The following TAF6 variants were observed in gnomAD, a reference collection of about 807,000 sequenced individuals.
The protein encoded by TAF6 is TATA-box binding protein associated factor 6.
TAF6 carries 50 observed loss-of-function variants against 73.5 expected under a neutral mutation model. The observed-to-expected ratio is 0.68, with a 90% CI of 0.54 to 0.86. TAF6 has a LOEUF of 0.86. Ranked by LOEUF, TAF6 falls within the 40% of genes least tolerant of loss-of-function variation. TAF6 has a pLI of 0.00. For synonymous variants in TAF6, 424 were observed against 376.7 expected, an observed-to-expected ratio of 1.13 and a Z score of -1.45; for missense variants, 768 against 899.5, an observed-to-expected ratio of 0.85 and a Z score of 1.87.
intron 9 of TAF6, 34 bp downstream of exon 9, chr7:100,111,694 G>C (rs374577684): frequency 1.9e-6 from 3 of 1,603,192 alleles, no homozygotes; most frequent in African/African-American, 2.7e-5. Flanking sequence ...AGGGTCCCTA[G>C]TCCCTGGAAG....
chr7:100,124,457 G>A (rs1562939999), upstream of TAF6: 1 of 1,376,588 alleles, frequency 7.3e-7, no homozygotes. Context: ...AGAGAAGACA[G>A]GCGGGATCCC....
chr7:100,108,855 C>T lies in TAF6; in HGVS notation c.1285-315G>A, dbSNP rs114851292. ...CCTGGCCAAAATGGAGAAACCTCAT[C>T]TCCACTAAAAATACAAAAACTAGCC... is the stretch of plus-strand genomic sequence containing the variant. On this transcript the variant is annotated intron_variant, in intron 12 of 14. Transcript: ENST00000453269. 3.2e-3 allele frequency: 727 copies of T among 228,500 alleles called. 6 individuals are homozygous for T. The highest frequency in any genetic ancestry group is 0.015 in the African/African-American group (664 of 43,774). The allele number at this position is 228,500 out of a possible 1,614,324, so 14.2% of individuals were successfully genotyped here.
chr7:100,107,071 C>A lies in TAF6; in HGVS notation c.*175G>T. 1 of 1,232,098 alleles carries A rather than the reference C, an allele frequency of 8.1e-7. No individual in the cohort carries two copies. The highest frequency in any genetic ancestry group is 1.1e-6 in the Non-Finnish European group (1 of 890,128). The allele number at this position is 1,232,098 out of a possible 1,614,324, so 76.3% of individuals were successfully genotyped here. A position where few individuals can be genotyped will look rare whatever the true frequency, so the allele number is the denominator to read the frequency against. On this transcript the variant is annotated 3_prime_UTR_variant, in exon 15 of 15. Coordinates refer to ENST00000453269, the MANE Select transcript of TAF6 (RefSeq NM_139315.3). ...TGATGCAGGAAGGACTGCAGTGGAT[C>A]AGAACTTACAAACCAAACTTTTATT...
chr7:100,125,078 G>T, the TAF6 span: 3 of 605,500 alleles, frequency 5.0e-6, no homozygotes, highest in African/African-American at 3.7e-5. Context: ...GGTGGAGGGT[G>T]GGGGTGGAGG....
chr7:100,119,121 A>G, intron 1 of TAF6, 83 bp downstream of exon 1: 1 of 986,468 alleles, frequency 1.0e-6, no homozygotes, highest in Non-Finnish European at 1.2e-6. Flanking sequence ...AAGGAGGTTC[A>G]GAGAGCCCAC....
the TAF6 span, chr7:100,127,119 G>C: frequency 2.0e-6 from 1 of 494,768 alleles, no homozygotes; most frequent in East Asian, 3.7e-5. This position sits in a 1 kb window ranked among gnomAD's most constrained non-coding sequence, Gnocchi z 4.6. Flanking sequence ...CCTTTGGAGG[G>C]TGACGGGCAA....
rs1240505418 is a variant in TAF6 at position 100,108,422 on chromosome 7, G to A, written c.1403C>T (p.Ala468Val). The part of the protein sequence containing the change: ...LLCSQVVKAR[A>V]QAALQAQQVN... ...CTGCTGAGCCTGCAGAGCAGCCTGGGCCCGAGCCTTGACCACCTGGGAGCA... is the reference window on the plus strand; with the variant it reads ...CTGCTGAGCCTGCAGAGCAGCCTGGACCCGAGCCTTGACCACCTGGGAGCA... The change falls in exon 13 of 15, where the codon GCC (alanine) becomes GTC (valine). Residue 468 changes from alanine to valine, a missense_variant. Ala to Val is a moderately conservative substitution (Grantham distance 64). Coordinates refer to ENST00000453269, the MANE Select transcript of TAF6 (RefSeq NM_139315.3). 3 of 1,613,796 alleles carry A rather than the reference G, an allele frequency of 1.9e-6. No homozygotes were observed. The highest frequency in any genetic ancestry group is 1.1e-5 in the South Asian group (1 of 91,074).
intron 10 of TAF6, 60 bp downstream of exon 10, chr7:100,111,079 T>A (rs1797144907): frequency 6.3e-7 from 1 of 1,576,074 alleles, no homozygotes; most frequent in East Asian, 2.2e-5. Context: ...CCAGTGTGAC[T>A]TCCCCCAACC....
In TAF6 at chr7:100,109,949, A is replaced by G; in HGVS notation, c.1283T>C (p.Leu428Pro). 6.2e-7 allele frequency: 1 copy of G among 1,614,144 alleles called. No homozygotes were observed. The highest frequency in any genetic ancestry group is 8.5e-7 in the Non-Finnish European group (1 of 1,180,020). The change falls in exon 12 of 15, where the codon CTG becomes CCG. Residue 428 changes from leucine to proline, a missense_variant and splice_region_variant. Leu to Pro is a moderately conservative substitution (Grantham distance 98, BLOSUM62 -3). This residue lies in a region of TAF6 where 350 missense variants were observed against 352.3 expected (regional missense o/e 0.99). Transcript: ENST00000453269. ...IGADHVQSLL[L>P]KHCAPVLAKL... ...TGTGGGGACAGGGGCTTCAGTCACC[A>G]GCAGGAGGCTCTGCACATGGTCTGC...
upstream of TAF6, chr7:100,122,175 C>T: frequency 6.4e-7 from 1 of 1,552,010 alleles, no homozygotes; most frequent in African/African-American, 1.4e-5. Flanking sequence ...CACTTGTATG[C>T]TCTGCTGCCT....
upstream of TAF6, chr7:100,119,717 G>A (rs1258414359): frequency 1.9e-6 from 3 of 1,613,914 alleles, no homozygotes; most frequent in Non-Finnish European, 1.7e-6. Flanking sequence ...GAAGGCAAGC[G>A]GTGATTGTTT....
intron 3 of TAF6, 30 bp downstream of exon 3, chr7:100,113,838 A>ACCCC: frequency 1.3e-6 from 2 of 1,490,338 alleles, no homozygotes; most frequent in South Asian, 1.2e-5. Context: ...ATGGCGTCTC[A>ACCCC]CCCCCCCCCC....
At chr7:100,124,382 A>G, upstream of TAF6, 1 of 673,658 alleles carries the variant, frequency 1.5e-6, no homozygotes, top group Non-Finnish European at 2.7e-6. Context: ...AGGATTGCAC[A>G]TCTAGTAGGC....
chr7:100,111,287 A>C lies in TAF6; in HGVS notation c.935T>G (p.Ile312Ser). The stretch of plus-strand genomic sequence containing the variant: ...TCGCAGGCACAACTGTCTGCTCACG[A>C]TGCAGGTCATCACAGCTGGAATCAG... ...HELIPAVMTCIVSRQLCLRPD... is the reference protein window; with the variant it reads ...HELIPAVMTCSVSRQLCLRPD... The change falls in exon 10 of 15, where the codon ATC becomes AGC. Residue 312 changes from isoleucine to serine, a missense_variant. Ile to Ser is a moderately radical substitution (Grantham distance 142). Around this residue, in one of 5 missense-constraint regions of TAF6, gnomAD observed 78 missense variants for 153.4 expected, o/e 0.51. Coordinates refer to ENST00000453269, the MANE Select transcript of TAF6 (RefSeq NM_139315.3). 1 of 1,614,180 alleles carries C rather than the reference A, an allele frequency of 6.2e-7. No individual in the cohort carries two copies. The highest frequency in any genetic ancestry group is 2.2e-5 in the East Asian group (1 of 44,878).
Position 100,110,227 on chromosome 7 carries a change from G to A in TAF6, c.1131C>T (p.Ile377=), listed in dbSNP as rs776694045. Residue 377 remains isoleucine (I), a synonymous_variant, in exon 11 of 15, where the codon ATC becomes ATT. Transcript: ENST00000453269. ...KTPWTTRYGS[I]AGLAELGHDV... ...CGTGTCCCAGCTCAGCCAAGCCTGC[G>A]ATGGAGCCATAACGAGTCGTCCAGG... is the stretch of plus-strand genomic sequence containing the variant. The A allele has an allele frequency of 1.4e-5, 22 of 1,613,978 alleles. No homozygotes were observed. Among genetic ancestry groups the A allele is most frequent in the South Asian group, 7.7e-5 (7 of 91,090 alleles).
intron 12 of TAF6, 132 bp from the exon 13 acceptor site, chr7:100,108,672 C>T (rs1796838939): frequency 9.6e-6 from 10 of 1,039,850 alleles, no homozygotes; most frequent in Non-Finnish European, 1.4e-6. Flanking sequence ...ATCTCAGTGC[C>T]CCTGTTGAAG....
At chr7:100,126,774 A>T in the TAF6 span, 3 of 152,608 alleles carry the variant, frequency 2.0e-5, no homozygotes, top group African/African-American at 7.2e-5. Context: ...GCGCCACTGC[A>T]CTCCTGCCTG....
At chr7:100,112,955 C>T in intron 5 of TAF6, 38 bp from the exon 6 acceptor site, 1 of 1,541,934 alleles carries the variant, frequency 6.5e-7, no homozygotes, top group South Asian at 1.1e-5. Flanking sequence ...GGGTGATGAG[C>T]ATAGTAGAAA....
rs569839558 is a variant in TAF6 at position 100,117,334 on chromosome 7, C to T, written c.-60+1870G>A. ...TTGTCCAGGCTGGAGAGCAATGGCGCGATCTTGGCTCACTGCAACCTCCGC... is the reference window on the plus strand; with the variant it reads ...TTGTCCAGGCTGGAGAGCAATGGCGTGATCTTGGCTCACTGCAACCTCCGC... On this transcript the variant is annotated intron_variant, in intron 1 of 14. Coordinates refer to ENST00000453269, the MANE Select transcript of TAF6 (RefSeq NM_139315.3). Among the ~76,000 whole-genome samples the T allele has an allele frequency of 6.9e-5, 10 of 145,796 alleles. 1 individual carries two copies. The highest frequency in any genetic ancestry group is 2.3e-4 in the African/African-American group (9 of 39,386).
Sources: gnomAD v4.1 joint callset for allele counts (sites outside exome capture counted in the v4.1 genomes callset) on GRCh38, gnomAD v4.1.1 for gene constraint, gnomAD v4.1.1 regional missense constraint, Gnocchi (gnomAD v3.1) non-coding constraint, MANE v1.5 for transcripts, NCBI Gene and HGNC (gene_info 2026-07-23, HGNC 2026-07-21) for gene names.